The following CNTROB variants were observed in gnomAD, a reference collection of about 807,000 sequenced individuals.
CNTROB encodes the protein centrobin.
A neutral mutation model predicts 115.7 loss-of-function variants in CNTROB; 82 were observed. That is an observed-to-expected ratio of 0.71 (90% confidence interval 0.59 to 0.85). CNTROB has a LOEUF of 0.85. CNTROB is among the 40% of genes least tolerant of loss of function. CNTROB has a pLI of 0.00. For synonymous variants in CNTROB, 439 were observed against 456.4 expected (o/e 0.96, Z 0.49); for missense variants, 1,014 against 1,144.4 (o/e 0.89, Z 1.64).
rs374802957 is a variant in CNTROB at position 7,947,897 on chromosome 17, C to G, written c.2146-19C>G. 1.2e-6 allele frequency: 2 copies of G among 1,613,424 alleles called. No individual in the cohort carries two copies. The highest frequency in any genetic ancestry group is 1.7e-6 in the Non-Finnish European group (2 of 1,179,360). On this transcript the variant is annotated intron_variant, in intron 14 of 18. Transcript: ENST00000563694. ...CTCTATCAGTCCCTAGGGAACTTGA[C>G]AATCTTATTCACCCACAGTTGCTGG...
intron 9 of CNTROB, among the ~76,000 whole-genome samples, chr17:7,941,177 C>T (rs562641698): frequency 6.9e-6 from 1 of 144,226 alleles, no homozygotes; most frequent in South Asian, 2.5e-4. Context: ...CCTTTATGGG[C>T]CTCTGTTTTT....
At chr17:7,940,953 G>C (rs539616923) in intron 9 of CNTROB, among the ~76,000 whole-genome samples, 1 of 152,294 alleles carries the variant, frequency 6.6e-6, no homozygotes, top group Non-Finnish European at 1.5e-5. Context: ...GCTATAAACT[G>C]TACGTAAACA....
Position 7,939,515 on chromosome 17 carries a change from G to A in CNTROB, c.930G>A (p.Glu310=). Residue 310 remains glutamate, a splice_region_variant and synonymous_variant, in exon 8 of 19, where the codon GAG becomes GAA. Coordinates refer to ENST00000563694, the MANE Select transcript of CNTROB (RefSeq NM_053051.5). The surrounding 1 kb of genome is among the most constrained non-coding windows in gnomAD (Gnocchi z 4.4). ...TTGGTTTTCTTCTGCGGCTGTAGGA[G>A]GAGGAAAGGCAAGCTCTGACTCTGA... is the stretch of plus-strand genomic sequence containing the variant. ...RLQQRERETL[E]EERQALTLRL... is the part of the protein sequence containing the mutation. 1 of 1,613,900 alleles carries A rather than the reference G, an allele frequency of 6.2e-7. No individual in the cohort carries two copies. Among genetic ancestry groups the A allele is most frequent in the Non-Finnish European group, 8.5e-7 (1 of 1,179,772 alleles).
Position 7,944,022 on chromosome 17 carries a change from C to A in CNTROB, c.1446-101C>A. The A allele has an allele frequency of 1.2e-6, 1 of 852,032 alleles. No individual in the cohort carries two copies. The highest frequency in any genetic ancestry group is 1.9e-6 in the Non-Finnish European group (1 of 524,834). 52.8% of individuals were successfully genotyped at this position (852,032 alleles called of 1,614,324 possible). ...TGCCATGGCCAGGCTAGCTGACTGGCTATCTGGGTCACTGTCATGTGCACA... is the reference window on the plus strand; with the variant it reads ...TGCCATGGCCAGGCTAGCTGACTGGATATCTGGGTCACTGTCATGTGCACA... On this transcript the variant is annotated intron_variant, in intron 10 of 18. Transcript: ENST00000563694. The surrounding 1 kb of genome is among the most constrained non-coding windows in gnomAD (Gnocchi z 4.0).
In CNTROB at chr17:7,949,902, G is replaced by C. The variant is rs1430741561; in HGVS notation, c.*392G>C. 3 of 160,686 alleles carry C rather than the reference G, an allele frequency of 1.9e-5. No homozygotes were observed. The highest frequency in any genetic ancestry group is 4.1e-5 in the Non-Finnish European group (3 of 73,988). 10.0% of individuals were successfully genotyped at this position (160,686 alleles called of 1,614,324 possible). A position where few individuals can be genotyped will look rare whatever the true frequency, so the allele number is the denominator to read the frequency against. On this transcript the variant is annotated 3_prime_UTR_variant, in exon 19 of 19. Transcript: ENST00000563694. ...CAAGTATATGTTACTTTAATAATCA[G>C]AACAGACCCAAACTTTAATAAGAGT...
At chr17:7,949,238 GC>G in intron 18 of CNTROB, 81 bp downstream of exon 18, 1 of 1,563,280 alleles carries the variant, frequency 6.4e-7, no homozygotes, top group South Asian at 1.1e-5. Context: ...CTCCTGGCTG[GC>G]CCCTCCATTC....
At chr17:7,938,257 G>A (rs769699017) in intron 7 of CNTROB, among the ~76,000 whole-genome samples, 2 of 151,998 alleles carry the variant, frequency 1.3e-5, no homozygotes, top group Non-Finnish European at 2.9e-5. Context: ...TGCCCGCCTT[G>A]GCCTCCCAAA....
chr17:7,948,062 G>T lies in CNTROB; in HGVS notation c.2209+83G>T, dbSNP rs1253600341. The stretch of plus-strand genomic sequence containing the variant: ...TATCTAGGATGAATTTTTAGGAGCT[G>T]GCAAAAGTAATAAAGCCTTATAAAT... On this transcript the variant is annotated intron_variant, in intron 15 of 18. Transcript: ENST00000563694. The surrounding 1 kb of genome is among the most constrained non-coding windows in gnomAD (Gnocchi z 4.4). 2 of 1,597,912 alleles carry T rather than the reference G, an allele frequency of 1.3e-6. No individual in the cohort carries two copies. The highest frequency in any genetic ancestry group is 2.7e-5 in the African/African-American group (2 of 74,420).
In CNTROB at chr17:7,939,893, A is replaced by C. The variant is rs1386038827; in HGVS notation, c.1164+144A>C. ...GCCATGTGTGGGAGACAAGGTTGAGAGTATAGGGCCAGCAGGAAGGGCTGG... is the reference window on the plus strand; with the variant it reads ...GCCATGTGTGGGAGACAAGGTTGAGCGTATAGGGCCAGCAGGAAGGGCTGG... On this transcript the variant is annotated intron_variant, in intron 8 of 18. Coordinates refer to ENST00000563694, the MANE Select transcript of CNTROB (RefSeq NM_053051.5). This position sits in a 1 kb window ranked among gnomAD's most constrained non-coding sequence, Gnocchi z 4.4. 1.9e-6 allele frequency: 2 copies of C among 1,038,082 alleles called. No individual in the cohort carries two copies. Among genetic ancestry groups the C allele is most frequent in the Non-Finnish European group, 2.8e-6 (2 of 704,094 alleles). 64.3% of individuals were successfully genotyped at this position (1,038,082 alleles called of 1,614,324 possible).
Position 7,933,129 on chromosome 17 carries a change from T to C in CNTROB, c.50T>C (p.Leu17Pro). 1.1e-5 allele frequency: 18 copies of C among 1,614,184 alleles called. No homozygotes were observed. The highest frequency in any genetic ancestry group is 1.4e-5 in the Non-Finnish European group (17 of 1,180,018). The change falls in exon 1 of 19, where the codon CTC becomes CCC. Residue 17 changes from leucine (L) to proline (P), a missense_variant. Physicochemically the swap from Leu to Pro is moderately conservative, Grantham distance 98. Coordinates refer to ENST00000563694, the MANE Select transcript of CNTROB (RefSeq NM_053051.5). ...SPSSPLGAED[L>P]LSDSSEPPGL... is the part of the protein sequence containing the mutation. ...AGTTCACCCCTCGGGGCGGAGGATC[T>C]CCTGAGTGATTCATCAGAACCCCCT...
In CNTROB at chr17:7,944,454, ACTT is replaced by A. The variant is rs778659743; in HGVS notation, c.1572-16_1572-14del. The A allele has an allele frequency of 4.4e-5, 71 of 1,608,636 alleles. No homozygotes were observed. The highest frequency in any genetic ancestry group is 4.7e-5 in the Non-Finnish European group (55 of 1,175,816). On this transcript the variant is annotated intron_variant, in intron 11 of 18. Coordinates refer to ENST00000563694, the MANE Select transcript of CNTROB (RefSeq NM_053051.5). This position sits in a 1 kb window ranked among gnomAD's most constrained non-coding sequence, Gnocchi z 4.0. The stretch of plus-strand genomic sequence containing the variant: ...TCTGCTTCCTTAAAGGCCCTGAGTC[ACTT>A]CTTCTCTCTTTGCTTCAGACTGGCC...
intron 5 of CNTROB, 32 bp from the exon 6 acceptor site, chr17:7,936,669 T>C (rs1223912083): frequency 1.0e-6 from 1 of 1,003,802 alleles, no homozygotes; most frequent in South Asian, 1.3e-5. Context: ...AAAAAGTTAT[T>C]TTGAAATTTC....
Position 7,943,661 on chromosome 17 carries a change from C to A in CNTROB, c.1445+137C>A. 1.1e-6 allele frequency: 1 copy of A among 915,342 alleles called. No homozygotes were observed. The highest frequency in any genetic ancestry group is 1.6e-6 in the Non-Finnish European group (1 of 633,244). The allele number at this position is 915,342 out of a possible 1,614,324, so 56.7% of individuals were successfully genotyped here. ...GTGCGCTAACTCCCATCAGCTGGGA[C>A]CTGAGTCTCTCTCGGGAGGGCTGCC... is the stretch of plus-strand genomic sequence containing the variant. On this transcript the variant is annotated intron_variant, in intron 10 of 18. Transcript: ENST00000563694. The surrounding 1 kb of genome is among the most constrained non-coding windows in gnomAD (Gnocchi z 4.7).
At chr17:7,942,677 G>C (rs987077824) in intron 9 of CNTROB, among the ~76,000 whole-genome samples, 2 of 149,594 alleles carry the variant, frequency 1.3e-5, no homozygotes, top group Non-Finnish European at 3.0e-5. Context: ...TTAGTGAGTT[G>C]AAGGACTGTG....
In CNTROB at chr17:7,932,326, G is replaced by C; in HGVS notation, c.-754G>C. ...GCAAATTGGGGACTGAGGACTGGAA[G>C]GGTGGAGAGTAGGCGGAACCAGGTG... On this transcript the variant is annotated 5_prime_UTR_variant, in exon 1 of 19. Transcript: ENST00000563694. 5.6e-6 allele frequency: 1 copy of C among 179,502 alleles called. No homozygotes were observed. Among genetic ancestry groups the C allele is most frequent in the Non-Finnish European group, 1.2e-5 (1 of 83,548 alleles). The allele number at this position is 179,502 out of a possible 1,614,324, so 11.1% of individuals were successfully genotyped here.
intron 9 of CNTROB, among the ~76,000 whole-genome samples, chr17:7,941,258 T>C (rs1973827203): frequency 6.6e-6 from 1 of 152,172 alleles, no homozygotes; most frequent in Non-Finnish European, 1.5e-5. Context: ...CTATGTTCCT[T>C]ATAAATGGTT....
chr17:7,935,049 T>G lies in CNTROB; in HGVS notation c.498T>G (p.Phe166Leu). 6.2e-7 allele frequency: 1 copy of G among 1,614,050 alleles called. No homozygotes were observed. Among genetic ancestry groups the G allele is most frequent in the Non-Finnish European group, 8.5e-7 (1 of 1,179,984 alleles). ...CAGCCCAAGCCCTGGAGGAGCTGTT[T>G]CCCCGCTACACCAGCCTTCGGCCAG... ...SSSAQALEEL[F>L]PRYTSLRPGP... The change falls in exon 4 of 19, where the codon TTT becomes TTG. Residue 166 changes from phenylalanine to leucine, a missense_variant. Coordinates refer to ENST00000563694, the MANE Select transcript of CNTROB (RefSeq NM_053051.5).
In CNTROB at chr17:7,948,018, A is replaced by C; in HGVS notation, c.2209+39A>C. 1 of 1,603,020 alleles carries C rather than the reference A, an allele frequency of 6.2e-7. No individual in the cohort carries two copies. The highest frequency in any genetic ancestry group is 8.5e-7 in the Non-Finnish European group (1 of 1,170,046). Reference sequence around the variant, plus strand: ...CTGAAGAAGGTTGGGGCTGGGGCCTAGGAAAGATCGGAGTTGGTTATCTAG... The same window carrying C: ...CTGAAGAAGGTTGGGGCTGGGGCCTCGGAAAGATCGGAGTTGGTTATCTAG... On this transcript the variant is annotated intron_variant, in intron 15 of 18. Transcript: ENST00000563694. This position sits in a 1 kb window ranked among gnomAD's most constrained non-coding sequence, Gnocchi z 4.4.
chr17:7,933,910 G>A lies in CNTROB; in HGVS notation c.271-228G>A, dbSNP rs73235718. Among the ~76,000 whole-genome samples the A allele has an allele frequency of 0.21, 32,027 of 152,010 alleles. 3,698 individuals carry two copies. Among genetic ancestry groups the A allele is most frequent in the East Asian group, 0.35 (1,813 of 5,178 alleles). ...CAGTCCTTACATTTGTTCTTGAATC[G>A]GCAAGAATCTCCGCAACTCTTGTCT... On this transcript the variant is annotated intron_variant, in intron 1 of 18. Coordinates refer to ENST00000563694, the MANE Select transcript of CNTROB (RefSeq NM_053051.5).
Sources: allele counts gnomAD v4.1 joint callset (sites outside exome capture counted in the v4.1 genomes callset), GRCh38; gene constraint gnomAD v4.1.1; non-coding constraint Gnocchi (gnomAD v3.1); transcripts MANE v1.5; gene names NCBI Gene and HGNC (gene_info 2026-07-23, HGNC 2026-07-21).